Variants in CAMK4 observed in about 807,000 individuals in gnomAD.
CAMK4 encodes the protein calcium/calmodulin-dependent protein kinase type IV.
Under a neutral mutation model 44.9 loss-of-function variants are expected in CAMK4, and 22 were observed. That is an observed-to-expected ratio of 0.49 (90% CI 0.35 to 0.70). The LOEUF is 0.70. Ranked by LOEUF, CAMK4 falls within the 30% of genes least tolerant of loss-of-function variation. CAMK4 has a pLI of 0.01. For missense variants in CAMK4, 498 were observed against 586.8 expected, an observed-to-expected ratio of 0.85 and a Z score of 1.56; for synonymous variants, 218 against 215.4, an observed-to-expected ratio of 1.01 and a Z score of -0.11.
chr5:111,273,748 C>A (rs1750639877), intron 1 of CAMK4, among the ~76,000 whole-genome samples: 1 of 136,008 alleles, frequency 7.4e-6, no homozygotes, highest in Non-Finnish European at 1.6e-5. Flanking sequence ...CACACACGCT[C>A]ACACACACAT....
At chr5:111,279,028 C>T (rs897566097) in intron 1 of CAMK4, among the ~76,000 whole-genome samples, 2 of 152,236 alleles carry the variant, frequency 1.3e-5, no homozygotes, top group Admixed American at 6.5e-5. Context: ...CAAGGGCGCC[C>T]CCTGGAGCAC....
intron 1 of CAMK4, among the ~76,000 whole-genome samples, chr5:111,269,154 C>T (rs911266730): frequency 4.6e-5 from 7 of 152,128 alleles, no homozygotes; most frequent in South Asian, 2.1e-4. Flanking sequence ...CCATCATGTA[C>T]GTATTTGCCA....
intron 2 of CAMK4, among the ~76,000 whole-genome samples, chr5:111,356,572 C>G (rs1381719292): frequency 6.6e-6 from 1 of 152,214 alleles, no homozygotes; most frequent in African/African-American, 2.4e-5. Flanking sequence ...ACATGAAGTC[C>G]TTGCCCATGC....
At chr5:111,264,416 T>C (rs1192647729) in intron 1 of CAMK4, among the ~76,000 whole-genome samples, 1 of 152,170 alleles carries the variant, frequency 6.6e-6, no homozygotes, top group Non-Finnish European at 1.5e-5. Context: ...GCATAAAACT[T>C]CCCAGCAGGT....
chr5:111,412,071 C>G (rs183632667), intron 5 of CAMK4, among the ~76,000 whole-genome samples: 27 of 152,036 alleles, frequency 1.8e-4, no homozygotes, highest in South Asian at 6.2e-4. Flanking sequence ...TAAAAGGTTA[C>G]AGAAACCAAA....
intron 5 of CAMK4, 61 bp from the exon 6 acceptor site, chr5:111,446,625 A>G (rs1470609521): frequency 3.6e-6 from 3 of 829,690 alleles, no homozygotes; most frequent in East Asian, 2.5e-5. Flanking sequence ...AAGATTAAGT[A>G]TAGACATTCG....
At chr5:111,227,384 GT>G (rs1275215738) in intron 1 of CAMK4, among the ~76,000 whole-genome samples, 1 of 152,156 alleles carries the variant, frequency 6.6e-6, no homozygotes, top group Non-Finnish European at 1.5e-5. Context: ...TAGTAATGCA[GT>G]TGTCATTAAT....
chr5:111,470,572 A>G lies in CAMK4; in HGVS notation c.626-2739A>G, dbSNP rs566567061. Among the ~76,000 whole-genome samples the G allele has an allele frequency of 2.0e-5, 3 of 152,370 alleles. No homozygotes were observed. In the South Asian group the frequency reaches 6.2e-4, roughly 32 times the overall value. On this transcript the variant is annotated intron_variant, in intron 7 of 10. Coordinates refer to ENST00000282356, the MANE Select transcript of CAMK4 (RefSeq NM_001744.6). ...GGTCAAGAGACTTTTGTAAGTGATA[A>G]CAGCAGCCATTTAGTCTATCCCTAG...
At chr5:111,349,671 A>G (rs1375873635) in intron 2 of CAMK4, among the ~76,000 whole-genome samples, 1 of 151,994 alleles carries the variant, frequency 6.6e-6, no homozygotes, top group Non-Finnish European at 1.5e-5. Flanking sequence ...TTTCAGGAGT[A>G]ATTCACATGA....
intron 1 of CAMK4, among the ~76,000 whole-genome samples, chr5:111,266,780 G>A (rs1028856896): frequency 3.3e-4 from 50 of 152,308 alleles, no homozygotes; most frequent in Admixed American, 2.8e-3. Flanking sequence ...TCTAGCTAGG[G>A]GTGCCAAAGT....
intron 7 of CAMK4, among the ~76,000 whole-genome samples, chr5:111,462,521 A>G (rs1754679621): frequency 6.6e-6 from 1 of 152,212 alleles, no homozygotes; most frequent in Admixed American, 6.5e-5. Flanking sequence ...GAACCTGTTG[A>G]TTTCATTCAC....
chr5:111,253,384 G>A (rs1749603902), intron 1 of CAMK4, among the ~76,000 whole-genome samples: 1 of 152,186 alleles, frequency 6.6e-6, no homozygotes, highest in African/African-American at 2.4e-5. Context: ...CGGAACCTGG[G>A]AGGAGAGACA....
chr5:111,387,260 G>A (rs1751637100), intron 4 of CAMK4, among the ~76,000 whole-genome samples: 1 of 152,082 alleles, frequency 6.6e-6, no homozygotes, highest in African/African-American at 2.4e-5. Flanking sequence ...AGAGTCATGA[G>A]TATATTTCGT....
At position 111,282,420 on chromosome 5, in the gene CAMK4, T is replaced by C. The variant is rs73786869; in HGVS notation, c.161+57776T>C. Among the ~76,000 whole-genome samples the C allele has an allele frequency of 8.2e-3, 1,240 of 151,812 alleles. 17 individuals are homozygous for C. Among genetic ancestry groups the C allele is most frequent in the African/African-American group, 0.028 (1,174 of 41,400 alleles). ...TCTTGGCCAATTTTTCTAGTATACA[T>C]TGCTTGAAAAAATATCAGTACTGTA... On this transcript the variant is annotated intron_variant, in intron 1 of 10. Coordinates refer to ENST00000282356, the MANE Select transcript of CAMK4 (RefSeq NM_001744.6).
At position 111,432,402 on chromosome 5, in the gene CAMK4, C is replaced by T. The variant is rs1459425488; in HGVS notation, c.460-14284C>T. Among the ~76,000 whole-genome samples the T allele has an allele frequency of 2.0e-5, 3 of 151,198 alleles. No homozygotes were observed. In the South Asian group the frequency reaches 6.3e-4, roughly 32 times the overall value. On this transcript the variant is annotated intron_variant, in intron 5 of 10. Coordinates refer to ENST00000282356, the MANE Select transcript of CAMK4 (RefSeq NM_001744.6). ...GGAAGGTAGGGATGGTTAATGGGTA[C>T]CAAGAAAAATTAAAAAGAATGAATA...
intron 2 of CAMK4, among the ~76,000 whole-genome samples, chr5:111,362,220 T>C (rs77536644): frequency 1.3e-5 from 2 of 152,120 alleles, no homozygotes; most frequent in East Asian, 3.9e-4. Flanking sequence ...TTAAGGGACT[T>C]GATTAAAGAC....
intron 5 of CAMK4, among the ~76,000 whole-genome samples, chr5:111,411,953 T>C (rs1752647141): frequency 6.6e-6 from 1 of 152,204 alleles, no homozygotes; most frequent in South Asian, 2.1e-4. Context: ...ATTCATGTGT[T>C]TTGACATTGA....
chr5:111,294,354 C>T (rs756517124), intron 1 of CAMK4, among the ~76,000 whole-genome samples: 84 of 152,266 alleles, frequency 5.5e-4, no homozygotes, highest in Admixed American at 1.1e-3. Flanking sequence ...TTTCATTTTG[C>T]GTAGTACCCT....
At chr5:111,388,668 T>C (rs954083332) in intron 4 of CAMK4, among the ~76,000 whole-genome samples, 11 of 152,148 alleles carry the variant, frequency 7.2e-5, no homozygotes, top group Non-Finnish European at 1.2e-4. Flanking sequence ...GTGTTGAATG[T>C]TGTCTGTCTA....
Sources: gnomAD v4.1 joint callset for allele counts (sites outside exome capture counted in the v4.1 genomes callset) on GRCh38, gnomAD v4.1.1 for gene constraint, MANE v1.5 for transcripts, NCBI Gene and HGNC (gene_info 2026-07-23, HGNC 2026-07-21) for gene names.